ANGPT2: variants seen among roughly 807,000 people sequenced by gnomAD.
The protein encoded by ANGPT2 is angiopoietin 2.
In ANGPT2, 28 loss-of-function variants were observed where a neutral mutation model predicts 62.9. That is an observed-to-expected ratio of 0.44 (90% CI 0.33 to 0.61). The LOEUF (loss-of-function observed/expected upper bound fraction) is 0.61, where lower values mean the gene tolerates loss of function less well. Ranked by LOEUF, ANGPT2 falls within the 20% of genes least tolerant of loss-of-function variation. The probability of loss-of-function intolerance (pLI) is 0.03; values close to 1 mark genes in which losing one functional copy is unlikely to be tolerated. For synonymous variants in ANGPT2, 284 were observed against 207.8 expected, an observed-to-expected ratio of 1.37 and a Z score of -3.15; for missense variants, 727 against 594.9, an observed-to-expected ratio of 1.22 and a Z score of -2.31.
intron 8 of ANGPT2, among the ~76,000 whole-genome samples, chr8:6,505,916 A>T (rs1307872844): frequency 1.0e-5 from 1 of 95,292 alleles, no homozygotes; most frequent in Non-Finnish European, 2.0e-5. Context: ...TTCTTTATAT[A>T]TGTATATATA....
At chr8:6,513,142 T>C (rs560602201) in intron 7 of ANGPT2, among the ~76,000 whole-genome samples, 1 of 152,326 alleles carries the variant, frequency 6.6e-6, no homozygotes, top group East Asian at 1.9e-4. Context: ...GCTTTGAAGA[T>C]ACACAGTAAA....
chr8:6,529,671 C>T (rs930583393), intron 2 of ANGPT2, among the ~76,000 whole-genome samples: 2 of 139,524 alleles, frequency 1.4e-5, no homozygotes, highest in South Asian at 4.5e-4. Flanking sequence ...CACCATGTTG[C>T]TCAAGCTGGT....
intron 1 of ANGPT2, among the ~76,000 whole-genome samples, chr8:6,550,344 CGTGGGGCTGTTGCACACACCCCCGACT>C (rs1277391540): frequency 1.3e-5 from 2 of 152,164 alleles, no homozygotes; most frequent in Non-Finnish European, 2.9e-5. Context: ...GGCAGTGTGG[CGTGGGGCTGTTGCACACACCCCCGACT>C]GTAGGGCTGC....
chr8:6,537,425 C>A (rs1354791496), intron 1 of ANGPT2, among the ~76,000 whole-genome samples: 2 of 152,018 alleles, frequency 1.3e-5, no homozygotes, highest in African/African-American at 4.8e-5. Flanking sequence ...ATCCTTCTAG[C>A]TGCATGGTTT....
chr8:6,545,360 T>G (rs1025707881), intron 1 of ANGPT2, among the ~76,000 whole-genome samples: 1 of 152,214 alleles, frequency 6.6e-6, no homozygotes, highest in Non-Finnish European at 1.5e-5. Context: ...ATCTCAAAAA[T>G]TCTTTTAAAA....
At chr8:6,550,591 G>C (rs1479868781) in intron 1 of ANGPT2, among the ~76,000 whole-genome samples, 1 of 152,240 alleles carries the variant, frequency 6.6e-6, no homozygotes, top group Non-Finnish European at 1.5e-5. Flanking sequence ...GACAGCTGTG[G>C]GCTGTGTAGG....
At chr8:6,511,123 G>C (rs1814993278) in intron 7 of ANGPT2, among the ~76,000 whole-genome samples, 2 of 152,080 alleles carry the variant, frequency 1.3e-5, no homozygotes, top group African/African-American at 2.4e-5. Flanking sequence ...ATTATCCCCA[G>C]AGGCAAGAAA....
intron 3 of ANGPT2, among the ~76,000 whole-genome samples, chr8:6,525,052 C>G (rs996327483): frequency 4.6e-5 from 7 of 152,288 alleles, no homozygotes; most frequent in Middle Eastern, 3.4e-3. Flanking sequence ...CTCTCGGGCC[C>G]CTTTTAGTTC....
At chr8:6,539,084 G>C (rs184134824) in intron 1 of ANGPT2, among the ~76,000 whole-genome samples, 5 of 152,254 alleles carry the variant, frequency 3.3e-5, no homozygotes, top group African/African-American at 1.2e-4. Flanking sequence ...AAGCAGCTGT[G>C]TACTCAGCAG....
At chr8:6,534,207 A>T (rs563219815) in intron 1 of ANGPT2, among the ~76,000 whole-genome samples, 8 of 136,486 alleles carry the variant, frequency 5.9e-5, no homozygotes, top group African/African-American at 1.3e-4. Context: ...ATATATTTTA[A>T]AAAAAAAATA....
chr8:6,557,062 CACTT>C (rs1824741275), intron 1 of ANGPT2, among the ~76,000 whole-genome samples: 1 of 152,192 alleles, frequency 6.6e-6, no homozygotes, highest in African/African-American at 2.4e-5. Context: ...GGTGTTCACT[CACTT>C]ACGCTAATGA....
intron 2 of ANGPT2, among the ~76,000 whole-genome samples, chr8:6,531,898 G>A (rs934015014): frequency 2.6e-5 from 4 of 152,148 alleles, no homozygotes; most frequent in Admixed American, 6.5e-5. Context: ...TTGAGATTCA[G>A]GTTTTATCTT....
chr8:6,532,153 T>TA (rs544484896), intron 2 of ANGPT2, among the ~76,000 whole-genome samples, 179 bp downstream of exon 2: 66 of 152,118 alleles, frequency 4.3e-4, no homozygotes, highest in African/African-American at 1.5e-3. Flanking sequence ...CAAAAACAGA[T>TA]TTACTGATTT....
At chr8:6,513,937 A>T in intron 6 of ANGPT2, 93 bp from the exon 7 acceptor site, 1 of 1,201,618 alleles carries the variant, frequency 8.3e-7, no homozygotes, top group South Asian at 1.7e-5. Flanking sequence ...TAGAATAACT[A>T]TCAAATAGCA....
chr8:6,520,111 G>C (rs1029874891), intron 4 of ANGPT2, 120 bp from the exon 5 acceptor site: 23 of 1,137,200 alleles, frequency 2.0e-5, no homozygotes, highest in South Asian at 9.4e-5. Flanking sequence ...TAAGCAAAAG[G>C]CTGTACCACT....
At position 6,543,597 on chromosome 8, in the gene ANGPT2, G is replaced by A. The variant is rs532757228; in HGVS notation, c.289-11110C>T. On this transcript the variant is annotated intron_variant, in intron 1 of 8. Coordinates refer to ENST00000629816, the MANE Select transcript of ANGPT2 (RefSeq NM_001118887.2). ...CAGGGGATTTTCAGAAAAGAAATGT[G>A]TTCTTTCCTCTTTGATTTTTGTGTT... is the stretch of plus-strand genomic sequence containing the variant. 6.7e-4 allele frequency among the ~76,000 whole-genome samples: 102 copies of A among 152,270 alleles called. 1 individual carries two copies. In the South Asian group the frequency reaches 0.02, roughly 30 times the overall value.
intron 1 of ANGPT2, 133 bp from the exon 2 acceptor site, chr8:6,532,620 C>CG: frequency 1.7e-6 from 1 of 602,642 alleles, no homozygotes. Context: ...ACCTTGCCTT[C>CG]CTTTTGGAAT....
At chr8:6,526,014 G>A (rs1346023541) in intron 3 of ANGPT2, among the ~76,000 whole-genome samples, 10 of 152,196 alleles carry the variant, frequency 6.6e-5, no homozygotes, top group Admixed American at 5.9e-4. Flanking sequence ...CATATCCTAG[G>A]TTTGTCACGG....
chr8:6,522,716 G>C (rs565330057), intron 3 of ANGPT2, among the ~76,000 whole-genome samples: 2 of 151,772 alleles, frequency 1.3e-5, no homozygotes, highest in African/African-American at 4.8e-5. Flanking sequence ...GGAGGTTGCA[G>C]TGAGCTGAGA....
Sources: gnomAD v4.1 joint callset for allele counts (sites outside exome capture counted in the v4.1 genomes callset) on GRCh38, gnomAD v4.1.1 for gene constraint, MANE v1.5 for transcripts, NCBI Gene and HGNC (gene_info 2026-07-23, HGNC 2026-07-21) for gene names.